The following HHAT variants were observed in gnomAD, a reference collection of about 807,000 sequenced individuals.
HHAT encodes protein-cysteine N-palmitoyltransferase HHAT.
HHAT carries 47 observed loss-of-function variants against 70.8 expected under a neutral mutation model. That is an observed-to-expected ratio of 0.66 (90% CI 0.53 to 0.85). The LOEUF (loss-of-function observed/expected upper bound fraction) is 0.85, where lower values mean the gene tolerates loss of function less well. Among genes scored for constraint, HHAT ranks in the 40% least tolerant of loss-of-function variants. The pLI, the probability that HHAT is intolerant of heterozygous loss-of-function variation, is 0.00. For synonymous variants in HHAT, 228 were observed against 247.6 expected (o/e 0.92, Z 0.74); for missense variants, 609 against 604.8 (o/e 1.01, Z -0.07).
chr1:210,545,003 A>T (rs1305204679), intron 9 of HHAT, among the ~76,000 whole-genome samples: 2 of 152,110 alleles, frequency 1.3e-5, no homozygotes, highest in Non-Finnish European at 2.9e-5. Flanking sequence ...TGGGCAACTG[A>T]AGTAGTTTCC....
intron 2 of HHAT, among the ~76,000 whole-genome samples, chr1:210,351,026 G>A (rs974903658): frequency 1.3e-5 from 2 of 152,190 alleles, no homozygotes; most frequent in African/African-American, 4.8e-5. Context: ...TATAAAAGGA[G>A]ATTTATTACA....
chr1:210,518,290 T>A (rs2148598047), intron 9 of HHAT, among the ~76,000 whole-genome samples: 1 of 152,280 alleles, frequency 6.6e-6, no homozygotes, highest in South Asian at 2.1e-4. Flanking sequence ...TCTGTTACTG[T>A]GTTATGAATT....
At chr1:210,596,875 G>A (rs12124591) in intron 10 of HHAT, among the ~76,000 whole-genome samples, 13,244 of 152,108 alleles carry the variant, frequency 0.087, 686 homozygotes, top group Middle Eastern at 0.15. Context: ...TGTCATGCTT[G>A]TGGATGGTGC....
At chr1:210,401,444 C>T (rs1335651851) in intron 5 of HHAT, among the ~76,000 whole-genome samples, 1 of 152,076 alleles carries the variant, frequency 6.6e-6, no homozygotes, top group Non-Finnish European at 1.5e-5. Flanking sequence ...ACTCATGTGA[C>T]CCAGTGGAAG....
At chr1:210,636,458 T>C (rs949454364) in intron 11 of HHAT, among the ~76,000 whole-genome samples, 2 of 152,202 alleles carry the variant, frequency 1.3e-5, no homozygotes, top group Admixed American at 1.3e-4. Context: ...TTTCTTCTGC[T>C]ATCTTATCCC....
At chr1:210,474,773 T>C (rs1446649722) in intron 8 of HHAT, among the ~76,000 whole-genome samples, 1 of 151,624 alleles carries the variant, frequency 6.6e-6, no homozygotes, top group East Asian at 1.9e-4. Context: ...TGAACTTGCC[T>C]GGTTGGAGTC....
chr1:210,577,070 C>T (rs1045784371), intron 9 of HHAT, among the ~76,000 whole-genome samples: 5 of 128,350 alleles, frequency 3.9e-5, no homozygotes, highest in East Asian at 3.2e-4. Context: ...ATTTGTTTAA[C>T]GGGTTTTTTT....
chr1:210,351,601 G>A (rs979262030), intron 2 of HHAT, among the ~76,000 whole-genome samples: 3 of 152,192 alleles, frequency 2.0e-5, no homozygotes, highest in African/African-American at 7.2e-5. Context: ...CCTGTTTCAT[G>A]TATTGTCAGC....
At chr1:210,539,649 G>A (rs149770427) in intron 9 of HHAT, among the ~76,000 whole-genome samples, 36 of 152,310 alleles carry the variant, frequency 2.4e-4, no homozygotes, top group East Asian at 1.4e-3. Context: ...TGTTGTCAGC[G>A]GCTCCCCAGT....
intron 10 of HHAT, among the ~76,000 whole-genome samples, chr1:210,615,595 TG>T (rs1667528411): frequency 6.6e-6 from 1 of 152,240 alleles, no homozygotes; most frequent in South Asian, 2.1e-4. Flanking sequence ...TTGACGTTGG[TG>T]ACGTACAGAT....
chr1:210,365,311 T>TTG (rs2088812278), intron 3 of HHAT, among the ~76,000 whole-genome samples: 1 of 112,260 alleles, frequency 8.9e-6, no homozygotes, highest in Admixed American at 9.3e-5. Context: ...TGCTGACAGT[T>TTG]TTTTTTTTTT....
intron 3 of HHAT, among the ~76,000 whole-genome samples, chr1:210,383,726 A>G (rs111723265): frequency 2.6e-5 from 4 of 152,270 alleles, no homozygotes; most frequent in African/African-American, 7.2e-5. Context: ...GTCTATGGGA[A>G]TTCTCTGTAC....
intron 9 of HHAT, among the ~76,000 whole-genome samples, chr1:210,566,930 G>A (rs1250665389): frequency 6.6e-6 from 1 of 152,234 alleles, no homozygotes; most frequent in Non-Finnish European, 1.5e-5. Context: ...CAGATGGCAA[G>A]GCTAAAAGAA....
intron 10 of HHAT, among the ~76,000 whole-genome samples, chr1:210,610,407 G>A: frequency 6.6e-6 from 1 of 152,076 alleles, no homozygotes. Flanking sequence ...CCTTATAGAT[G>A]CTGGATAGTA....
At chr1:210,469,102 G>C (rs1228195789) in intron 8 of HHAT, among the ~76,000 whole-genome samples, 3 of 152,086 alleles carry the variant, frequency 2.0e-5, no homozygotes, top group South Asian at 2.1e-4. Context: ...AGGTGACTGA[G>C]AGGTCCTCCT....
At chr1:210,595,619 C>T (rs562786326) in intron 10 of HHAT, among the ~76,000 whole-genome samples, 12 of 152,206 alleles carry the variant, frequency 7.9e-5, no homozygotes, top group Admixed American at 7.2e-4. Flanking sequence ...ACATCCTCTC[C>T]ACCACCTGTT....
chr1:210,335,045 T>G (rs2085354808), intron 1 of HHAT, among the ~76,000 whole-genome samples: 1 of 152,142 alleles, frequency 6.6e-6, no homozygotes, highest in African/African-American at 2.4e-5. Flanking sequence ...CCGGTTGCAT[T>G]TATGAGGCCA....
At chr1:210,626,508 C>A (rs1669868490) in intron 11 of HHAT, among the ~76,000 whole-genome samples, 1 of 152,208 alleles carries the variant, frequency 6.6e-6, no homozygotes, top group Non-Finnish European at 1.5e-5. Context: ...CTGTTTGCAT[C>A]TCTGCTGGTC....
chr1:210,426,959 A>C (rs963837918), intron 7 of HHAT, among the ~76,000 whole-genome samples: 1 of 152,078 alleles, frequency 6.6e-6, no homozygotes, highest in Non-Finnish European at 1.5e-5. Context: ...CTGTGAATCC[A>C]TCTGGTCCTG....
Sources: allele counts gnomAD v4.1 joint callset (sites outside exome capture counted in the v4.1 genomes callset), GRCh38; gene constraint gnomAD v4.1.1; transcripts MANE v1.5; gene names NCBI Gene and HGNC (gene_info 2026-07-23, HGNC 2026-07-21).